The following TENM2 variants were observed in gnomAD, a reference collection of about 807,000 sequenced individuals.
TENM2 encodes the protein teneurin transmembrane protein 2.
TENM2 carries 52 observed loss-of-function variants against 245.2 expected under a neutral mutation model. That is an observed-to-expected ratio of 0.21 (90% confidence interval 0.17 to 0.27). The LOEUF (loss-of-function observed/expected upper bound fraction) is 0.27, where lower values mean the gene tolerates loss of function less well. TENM2 is among the 10% of genes least tolerant of loss of function. TENM2 has a pLI of 1.00. For missense variants in TENM2, 3,046 were observed against 3,666.8 expected (o/e 0.83, Z 4.37); for synonymous variants, 1,363 against 1,438.9 (o/e 0.95, Z 1.19).
the TENM2 span, among the ~76,000 whole-genome samples, chr5:167,107,127 G>A: frequency 6.6e-6 from 1 of 151,492 alleles, no homozygotes; most frequent in Non-Finnish European, 1.5e-5. Flanking sequence ...CAGGCATGGT[G>A]GTGCATGCCT....
intron 2 of TENM2, among the ~76,000 whole-genome samples, chr5:167,405,761 C>A (rs1204606978): frequency 9.2e-6 from 1 of 109,260 alleles, no homozygotes; most frequent in Non-Finnish European, 1.8e-5. Context: ...TTCAAACACA[C>A]ACACACAAAC....
At chr5:167,177,800 C>A in the TENM2 span, among the ~76,000 whole-genome samples, 2 of 152,160 alleles carry the variant, frequency 1.3e-5, no homozygotes, top group South Asian at 2.1e-4. Context: ...ATCTGTATTA[C>A]TTGTCATTAA....
intron 25 of TENM2, among the ~76,000 whole-genome samples, chr5:168,240,640 G>T (rs1274225195): frequency 1.0e-5 from 1 of 99,010 alleles, no homozygotes; most frequent in Non-Finnish European, 2.1e-5. Flanking sequence ...TACCAGAGCA[G>T]ACACCAAAGC....
intron 2 of TENM2, among the ~76,000 whole-genome samples, chr5:167,678,244 G>C (rs1478168149): frequency 6.6e-6 from 1 of 151,790 alleles, no homozygotes; most frequent in Non-Finnish European, 1.5e-5. Context: ...AATTCTCTAC[G>C]ATTAACATAT....
the TENM2 span, among the ~76,000 whole-genome samples, chr5:167,086,929 GCA>G: frequency 0.028 from 2,575 of 90,668 alleles, 23 homozygotes; most frequent in Middle Eastern, 0.057. Flanking sequence ...ACACACACAC[GCA>G]CACACACACA....
chr5:168,242,825 T>C (rs181129280), intron 25 of TENM2, among the ~76,000 whole-genome samples: 6 of 152,136 alleles, frequency 3.9e-5, no homozygotes, highest in Non-Finnish European at 5.9e-5. Flanking sequence ...TGATGGCACA[T>C]GCCTCTAATC....
intron 23 of TENM2, 24 bp from the exon 26 acceptor site, chr5:168,226,064 A>G: frequency 1.3e-6 from 2 of 1,543,446 alleles, no homozygotes; most frequent in Non-Finnish European, 1.8e-6. Flanking sequence ...ACCAGGGTTT[A>G]TCTATCTATC....
intron 3 of TENM2, among the ~76,000 whole-genome samples, chr5:167,925,018 C>T (rs917121071): frequency 1.9e-4 from 29 of 152,174 alleles, no homozygotes; most frequent in African/African-American, 5.8e-4. Flanking sequence ...CAATCCCACT[C>T]ATCAGTATTG....
At chr5:168,262,012 C>T (rs761304766) in intron 28 of TENM2, 37 bp from the exon 31 acceptor site, 1 of 1,593,158 alleles carries the variant, frequency 6.3e-7, no homozygotes, top group Non-Finnish European at 8.6e-7. Context: ...CTGCCCAGCT[C>T]ATCTTCTCAG....
chr5:167,487,262 A>C (rs964802272), intron 2 of TENM2, among the ~76,000 whole-genome samples: 2 of 152,162 alleles, frequency 1.3e-5, no homozygotes, highest in Non-Finnish European at 2.9e-5. Context: ...CACAATCATC[A>C]GGGAAATTAT....
chr5:167,309,207 G>A (rs1755868384), intron 1 of TENM2, among the ~76,000 whole-genome samples: 1 of 152,098 alleles, frequency 6.6e-6, no homozygotes, highest in African/African-American at 2.4e-5. Context: ...TATGATACCA[G>A]AAAGAAGAAT....
At chr5:167,892,506 C>A (rs1294043567) in intron 3 of TENM2, among the ~76,000 whole-genome samples, 1 of 152,186 alleles carries the variant, frequency 6.6e-6, no homozygotes, top group Non-Finnish European at 1.5e-5. Context: ...AAGCATAGAT[C>A]ATGAGGGGAG....
At chr5:167,962,415 T>G (rs1362485135) in intron 4 of TENM2, among the ~76,000 whole-genome samples, 2 of 152,182 alleles carry the variant, frequency 1.3e-5, no homozygotes, top group Non-Finnish European at 2.9e-5. Flanking sequence ...CAAAACTTGG[T>G]AAATATTTGA....
intron 1 of TENM2, among the ~76,000 whole-genome samples, chr5:167,347,702 CTCCCTTCT>C (rs972347611): frequency 6.6e-6 from 1 of 151,960 alleles, no homozygotes; most frequent in Non-Finnish European, 1.5e-5. Context: ...TTCTCCCTTC[CTCCCTTCT>C]TCCCTTCTTT....
At chr5:167,624,553 T>C (rs1778381320) in intron 2 of TENM2, among the ~76,000 whole-genome samples, 1 of 152,114 alleles carries the variant, frequency 6.6e-6, no homozygotes, top group Admixed American at 6.6e-5. Context: ...CGTACCTGAA[T>C]CAAAAACAAA....
chr5:167,431,940 C>CATATATATGTGT (rs1764254974), intron 2 of TENM2, among the ~76,000 whole-genome samples: 2 of 65,860 alleles, frequency 3.0e-5, no homozygotes, highest in African/African-American at 1.2e-4. Flanking sequence ...TATATATATA[C>CATATATATGTGT]ATATATATGT....
chr5:168,227,337 G>T (rs554993536), intron 24 of TENM2, among the ~76,000 whole-genome samples: 59 of 152,266 alleles, frequency 3.9e-4, no homozygotes, highest in Non-Finnish European at 7.6e-4. Context: ...TTGAGTGGGG[G>T]TGGTATCAGG....
rs888668381 is a variant in TENM2, at chr5:167,342,470, C to T, written c.227-32728C>T. On this transcript the variant is annotated intron_variant, in intron 1 of 28. Coordinates refer to ENST00000518659, the Ensembl canonical transcript of TENM2. The stretch of plus-strand genomic sequence containing the variant: ...GATATTAACCCTGGTCATCTGACTG[C>T]GGTCGGGTTTTCAGGTTTCTCAACT... Among the ~76,000 whole-genome samples the T allele has an allele frequency of 1.4e-3, 188 of 138,388 alleles. 1 individual carries two copies. The highest frequency in any genetic ancestry group is 4.7e-3 in the African/African-American group (175 of 37,502). 90.8% of individuals were successfully genotyped at this position (138,388 alleles called of 152,430 possible).
intron 2 of TENM2, among the ~76,000 whole-genome samples, chr5:167,440,932 A>G (rs924186834): frequency 1.8e-4 from 27 of 152,278 alleles, no homozygotes; most frequent in African/African-American, 6.3e-4. Context: ...AGTCCTGATC[A>G]CATAGAGGAC....
Sources: gnomAD v4.1 joint callset for allele counts (sites outside exome capture counted in the v4.1 genomes callset) on GRCh38, gnomAD v4.1.1 for gene constraint, MANE v1.5 for transcripts, NCBI Gene and HGNC (gene_info 2026-07-23, HGNC 2026-07-21) for gene names.